PDE11A: variants seen among roughly 807,000 people sequenced by gnomAD.
The protein encoded by PDE11A is phosphodiesterase 11A, also known as dual 3',5'-cyclic-AMP and -GMP phosphodiesterase 11A.
In PDE11A, 100 loss-of-function variants were observed where a neutral mutation model predicts 100.5. The observed-to-expected ratio is 1.00, with a 90% CI of 0.85 to 1.18. The LOEUF (loss-of-function observed/expected upper bound fraction) is 1.18, where lower values mean the gene tolerates loss of function less well. PDE11A is among the 50% of genes most tolerant of loss of function. The probability of loss-of-function intolerance (pLI) is 0.00; values close to 1 mark genes in which losing one functional copy is unlikely to be tolerated. For missense variants in PDE11A, 1,141 were observed against 1,152.6 expected (o/e 0.99, Z 0.15); for synonymous variants, 381 against 420.8 (o/e 0.91, Z 1.16).
chr2:177,956,555 A>G (rs2085565523), intron 2 of PDE11A, among the ~76,000 whole-genome samples: 1 of 152,226 alleles, frequency 6.6e-6, no homozygotes, highest in South Asian at 2.1e-4. Context: ...CCATCCCATT[A>G]CTGGGTATAT....
At chr2:177,879,081 G>C (rs757517062) in intron 4 of PDE11A, among the ~76,000 whole-genome samples, 29 of 152,146 alleles carry the variant, frequency 1.9e-4, no homozygotes, top group Non-Finnish European at 3.7e-4. Context: ...TGCTTCATTT[G>C]GCCTACTTCT....
intron 1 of PDE11A, chr2:178,105,747 A>T: frequency 8.8e-7 from 1 of 1,131,548 alleles, no homozygotes; most frequent in East Asian, 3.0e-5. Flanking sequence ...ATATCACCTC[A>T]CAGCTCTGAG....
intron 1 of PDE11A, among the ~76,000 whole-genome samples, chr2:178,025,601 C>T (rs1026059414): frequency 6.6e-6 from 1 of 152,036 alleles, no homozygotes; most frequent in Non-Finnish European, 1.5e-5. Context: ...AGACCCACAC[C>T]ACACTTGAAA....
intron 10 of PDE11A, among the ~76,000 whole-genome samples, chr2:177,753,143 T>C (rs1479663623): frequency 1.3e-5 from 2 of 152,214 alleles, no homozygotes; most frequent in Non-Finnish European, 2.9e-5. Context: ...ATTCCTGGCA[T>C]TGAAGCATTT....
chr2:177,667,533 T>C (rs1227865975), intron 18 of PDE11A, among the ~76,000 whole-genome samples: 1 of 152,200 alleles, frequency 6.6e-6, no homozygotes, highest in Non-Finnish European at 1.5e-5. Flanking sequence ...TGCAGATTAG[T>C]TGACCATAAT....
At chr2:177,750,238 C>T (rs183669357) in intron 10 of PDE11A, among the ~76,000 whole-genome samples, 1 of 152,258 alleles carries the variant, frequency 6.6e-6, no homozygotes, top group Non-Finnish European at 1.5e-5. Flanking sequence ...TCTTTAGGAG[C>T]TCCCCTTCTT....
intron 2 of PDE11A, among the ~76,000 whole-genome samples, chr2:177,948,025 A>G (rs1190312631): frequency 6.6e-6 from 1 of 151,050 alleles, no homozygotes; most frequent in African/African-American, 2.4e-5. Context: ...AGGTAATTGT[A>G]TGTGTGCACG....
intron 2 of PDE11A, among the ~76,000 whole-genome samples, chr2:177,914,489 A>T (rs1045387972): frequency 6.6e-6 from 1 of 152,156 alleles, no homozygotes; most frequent in Non-Finnish European, 1.5e-5. Flanking sequence ...TGACCTACAT[A>T]TATCATCCTG....
chr2:177,931,911 CAAAAAAAAA>C (rs71410773), intron 2 of PDE11A, among the ~76,000 whole-genome samples: 1 of 80,264 alleles, frequency 1.2e-5, no homozygotes, highest in African/African-American at 4.3e-5. Context: ...GCTAGATTAA[CAAAAAAAAA>C]AAAAAAAAAA....
intron 2 of PDE11A, among the ~76,000 whole-genome samples, chr2:178,008,189 G>T (rs1242621242): frequency 1.3e-5 from 2 of 152,082 alleles, no homozygotes; most frequent in Non-Finnish European, 2.9e-5. Flanking sequence ...AAAGTTGCCT[G>T]GCAGAGTTGT....
chr2:177,667,134 G>A (rs933189343), intron 18 of PDE11A, among the ~76,000 whole-genome samples: 16 of 152,014 alleles, frequency 1.1e-4, no homozygotes, highest in African/African-American at 2.9e-4. Context: ...GGCTGGTCTC[G>A]AACTCCTGAC....
intron 1 of PDE11A, among the ~76,000 whole-genome samples, chr2:178,070,011 T>A (rs9288013): frequency 0.95 from 144,352 of 152,218 alleles, 68,912 homozygotes; most frequent in East Asian, 1. Flanking sequence ...AAAAAAAAAT[T>A]GGAAAGAAGA....
chr2:178,050,905 A>G (rs2086817459), intron 1 of PDE11A, among the ~76,000 whole-genome samples: 3 of 152,234 alleles, frequency 2.0e-5, no homozygotes, highest in African/African-American at 4.8e-5. Flanking sequence ...AGTGACGGGG[A>G]GAATGGAACC....
intron 2 of PDE11A, among the ~76,000 whole-genome samples, chr2:178,086,426 CAATA>C (rs1028677653): frequency 6.6e-6 from 1 of 152,094 alleles, no homozygotes; most frequent in Admixed American, 6.6e-5. Context: ...CCATAATGCA[CAATA>C]AATAAATATT....
At chr2:178,103,366 G>A (rs1330561722) in intron 2 of PDE11A, among the ~76,000 whole-genome samples, 1 of 152,046 alleles carries the variant, frequency 6.6e-6, no homozygotes, top group Non-Finnish European at 1.5e-5. Flanking sequence ...TAGGGTTAAG[G>A]GGGAATGCAG....
chr2:177,656,202 A>T lies in PDE11A; in HGVS notation c.2646+7664T>A, dbSNP rs111987404. 4.6e-3 allele frequency among the ~76,000 whole-genome samples: 695 copies of T among 152,372 alleles called. 2 individuals are homozygous for T. Among genetic ancestry groups the T allele is most frequent in the South Asian group, 0.01 (50 of 4,824 alleles). ...GGCATTTCAGTCCATGATGGACCAT[A>T]TCTACAACCATGGCCCCATAAGATT... On this transcript the variant is annotated intron_variant, in intron 19 of 19. Transcript: ENST00000286063.
At chr2:177,653,973 C>A in intron 19 of PDE11A, among the ~76,000 whole-genome samples, 1 of 152,176 alleles carries the variant, frequency 6.6e-6, no homozygotes, top group Admixed American at 6.5e-5. Flanking sequence ...GAGATTACTT[C>A]CTTCTTAGCT....
chr2:177,732,330 T>A (rs779067165), intron 10 of PDE11A, among the ~76,000 whole-genome samples: 2 of 152,246 alleles, frequency 1.3e-5, no homozygotes, highest in Non-Finnish European at 2.9e-5. Context: ...CAGAAAGATC[T>A]GTGCTTGTGG....
In PDE11A at chr2:178,072,694, GC is replaced by G. The variant is rs1012968389; in HGVS notation, c.-258del. The G allele has an allele frequency of 2.6e-5, 37 of 1,404,542 alleles. No individual in the cohort carries two copies. The highest frequency in any genetic ancestry group is 3.1e-5 in the Non-Finnish European group (34 of 1,080,696). The allele number at this position is 1,404,542 out of a possible 1,614,324, so 87.0% of individuals were successfully genotyped here. A position where few individuals can be genotyped will look rare whatever the true frequency, so the allele number is the denominator to read the frequency against. On this transcript the variant is annotated 5_prime_UTR_variant, in exon 1 of 20. Coordinates refer to ENST00000286063, the MANE Select transcript of PDE11A (RefSeq NM_016953.4). ...TGCCCAGCACTGAGCTGCCGCCGCT[GC>G]CCCGGCTCCTGTTCCGGAAACCCGA... is the stretch of plus-strand genomic sequence containing the variant.
Sources: gnomAD v4.1 joint callset for allele counts (sites outside exome capture counted in the v4.1 genomes callset) on GRCh38, gnomAD v4.1.1 for gene constraint, MANE v1.5 for transcripts, NCBI Gene and HGNC (gene_info 2026-07-23, HGNC 2026-07-21) for gene names.